Variants in TESK2 observed in about 807,000 individuals in gnomAD.
TESK2 encodes dual specificity testis-specific protein kinase 2.
Under a neutral mutation model 57.1 loss-of-function variants are expected in TESK2, and 39 were observed. The ratio of observed to expected loss-of-function variants is 0.68; its 90% confidence interval spans 0.53 to 0.89. The LOEUF is 0.89. TESK2 is among the 40% of genes least tolerant of loss of function. TESK2 has a pLI of 0.00. For missense variants in TESK2, 646 were observed against 732.1 expected (o/e 0.88, Z 1.36); for synonymous variants, 249 against 267.9 (o/e 0.93, Z 0.69).
intron 2 of TESK2, among the ~76,000 whole-genome samples, chr1:45,431,867 G>C (rs1033184849): frequency 6.6e-6 from 1 of 152,172 alleles, no homozygotes; most frequent in African/African-American, 2.4e-5. Flanking sequence ...TGAGAAACTG[G>C]GTTTGGCTCA....
intron 3 of TESK2, among the ~76,000 whole-genome samples, chr1:45,388,590 A>C (rs1165151360): frequency 6.6e-6 from 1 of 152,188 alleles, no homozygotes; most frequent in Non-Finnish European, 1.5e-5. Context: ...TGACTTGTAA[A>C]GACTAAAATA....
intron 2 of TESK2, among the ~76,000 whole-genome samples, chr1:45,434,854 C>G (rs1364206112): frequency 3.3e-5 from 5 of 151,838 alleles, no homozygotes. Context: ...TAATATAGTC[C>G]CATTTGTCGA....
intron 1 of TESK2, among the ~76,000 whole-genome samples, chr1:45,465,318 A>T (rs2149302415): frequency 6.6e-6 from 1 of 151,980 alleles, no homozygotes. Context: ...GGCTAAGGCA[A>T]GAGAATCACT....
rs748886310 is a variant in TESK2, at chr1:45,381,860, CTT to C, written c.393+4050_393+4051del. Among the ~76,000 whole-genome samples the C allele has an allele frequency of 2.9e-3, 266 of 91,872 alleles. 4 individuals are homozygous for C. The highest frequency in any genetic ancestry group is 0.01 in the African/African-American group (252 of 24,118). 60.3% of individuals were successfully genotyped at this position (91,872 alleles called of 152,430 possible). On this transcript the variant is annotated intron_variant, in intron 4 of 10. Transcript: ENST00000372086. ...GACATACTTATGGTACATTCCTATT[CTT>C]TTTTTTTTTTTTTTTTTTTTTTAAG... is the stretch of plus-strand genomic sequence containing the variant.
chr1:45,370,998 A>G (rs1648154877), intron 4 of TESK2, among the ~76,000 whole-genome samples: 1 of 152,214 alleles, frequency 6.6e-6, no homozygotes, highest in African/African-American at 2.4e-5. Flanking sequence ...CAACTGGGAA[A>G]GGACAGTCTT....
chr1:45,389,149 C>T (rs1291915130), intron 3 of TESK2, among the ~76,000 whole-genome samples: 2 of 152,148 alleles, frequency 1.3e-5, no homozygotes, highest in African/African-American at 4.8e-5. Context: ...CACAGTGGTT[C>T]ATGCATATAA....
chr1:45,350,985 A>T (rs1030948911), intron 5 of TESK2, among the ~76,000 whole-genome samples: 1 of 152,262 alleles, frequency 6.6e-6, no homozygotes, highest in Non-Finnish European at 1.5e-5. Context: ...GGCATAGCCT[A>T]AGACCATAAC....
chr1:45,355,775 TAAG>T (rs1329113057), intron 4 of TESK2, among the ~76,000 whole-genome samples: 1 of 151,782 alleles, frequency 6.6e-6, no homozygotes, highest in East Asian at 1.9e-4. Context: ...AGAGAGGAAA[TAAG>T]GAGTCAGAAA....
chr1:45,454,626 T>C (rs765912058), intron 2 of TESK2, among the ~76,000 whole-genome samples: 16 of 151,900 alleles, frequency 1.1e-4, no homozygotes, highest in Non-Finnish European at 1.6e-4. Context: ...TTCTTAAACA[T>C]AGAATTACTC....
intron 2 of TESK2, among the ~76,000 whole-genome samples, chr1:45,448,998 G>A (rs1261857081): frequency 1.3e-5 from 2 of 152,102 alleles, no homozygotes; most frequent in Non-Finnish European, 2.9e-5. Context: ...GCTGAGGCAG[G>A]TGGATCACAA....
intron 2 of TESK2, among the ~76,000 whole-genome samples, chr1:45,443,963 G>C (rs1651549519): frequency 6.6e-6 from 1 of 152,082 alleles, no homozygotes; most frequent in South Asian, 2.1e-4. Flanking sequence ...AGGATTGCTT[G>C]AGGCAGGAGT....
At chr1:45,480,735 C>T (rs549121101) in intron 1 of TESK2, among the ~76,000 whole-genome samples, 1 of 151,476 alleles carries the variant, frequency 6.6e-6, no homozygotes, top group East Asian at 1.9e-4. Context: ...CACTTGTAAT[C>T]CCAGCACTTT....
chr1:45,479,801 C>G (rs1337472132), intron 1 of TESK2, among the ~76,000 whole-genome samples: 2 of 145,012 alleles, frequency 1.4e-5, no homozygotes, highest in Non-Finnish European at 3.0e-5. Context: ...GACTGAAATG[C>G]AGAAGGCCCT....
chr1:45,358,560 G>T (rs552818402), intron 4 of TESK2, among the ~76,000 whole-genome samples: 2 of 152,012 alleles, frequency 1.3e-5, no homozygotes, highest in African/African-American at 4.8e-5. Context: ...TTCAGGCACT[G>T]TTCTGAGAGT....
chr1:45,362,719 A>G (rs779083276), intron 4 of TESK2, among the ~76,000 whole-genome samples: 5 of 152,198 alleles, frequency 3.3e-5, no homozygotes, highest in Non-Finnish European at 7.3e-5. Flanking sequence ...ATTTGCTACC[A>G]TCTAATTAGC....
intron 3 of TESK2, among the ~76,000 whole-genome samples, chr1:45,409,587 T>C (rs1157612034): frequency 6.6e-6 from 1 of 152,214 alleles, no homozygotes; most frequent in Admixed American, 6.5e-5. Context: ...TAAAATTCAA[T>C]CTGGCTATTG....
chr1:45,411,356 T>G (rs1332501838), intron 3 of TESK2, among the ~76,000 whole-genome samples: 4 of 152,152 alleles, frequency 2.6e-5, no homozygotes, highest in African/African-American at 7.2e-5. Context: ...GGGATGGTTT[T>G]GGGATGAAAC....
At chr1:45,487,898 T>C (rs901082617) in intron 1 of TESK2, among the ~76,000 whole-genome samples, 1 of 152,008 alleles carries the variant, frequency 6.6e-6, no homozygotes, top group Non-Finnish European at 1.5e-5. Flanking sequence ...GGACCCTCAA[T>C]GTGGTCAACA....
Position 45,457,646 on chromosome 1 carries a change from A to G in TESK2, c.140T>C (p.Ile47Thr), listed in dbSNP as rs1652162361. 1 of 1,614,184 alleles carries G rather than the reference A, an allele frequency of 6.2e-7. No individual in the cohort carries two copies. The highest frequency in any genetic ancestry group is 8.5e-7 in the Non-Finnish European group (1 of 1,180,034). The change falls in exon 2 of 11, where the codon ATA (isoleucine) becomes ACA (threonine). Residue 47 changes from isoleucine to threonine, a missense_variant. Transcript: ENST00000372086. ...RVWPSSYRAL[I>T]SAFSRLTRLD... Reference sequence around the variant, plus strand: ...ACGCGTCAGTCTGGAAAAGGCACTTATAAGAGCTCGATACGAAGATGGCCA... The same window carrying G: ...ACGCGTCAGTCTGGAAAAGGCACTTGTAAGAGCTCGATACGAAGATGGCCA...
Sources: allele counts gnomAD v4.1 joint callset (sites outside exome capture counted in the v4.1 genomes callset), GRCh38; gene constraint gnomAD v4.1.1; transcripts MANE v1.5; gene names NCBI Gene and HGNC (gene_info 2026-07-23, HGNC 2026-07-21).